The following IL6R variants were observed in gnomAD, a reference collection of about 807,000 sequenced individuals.
IL6R encodes interleukin-6 receptor subunit alpha.
In IL6R, 38 loss-of-function variants were observed where a neutral mutation model predicts 48.3. The ratio of observed to expected loss-of-function variants is 0.79; its 90% CI spans 0.61 to 1.03. The LOEUF is 1.03. Ranked by LOEUF, IL6R falls within the 50% of genes least tolerant of loss-of-function variation. The pLI, the probability that IL6R is intolerant of heterozygous loss-of-function variation, is 0.00. For missense variants in IL6R, 534 were observed against 618.3 expected (o/e 0.86, Z 1.45); for synonymous variants, 264 against 256.2 (o/e 1.03, Z -0.29).
At chr1:154,435,580 A>G (rs1000883876) in intron 5 of IL6R, among the ~76,000 whole-genome samples, 1 of 151,948 alleles carries the variant, frequency 6.6e-6, no homozygotes, top group African/African-American at 2.4e-5. Flanking sequence ...ACAATTGGCT[A>G]CCTTCGTTGC....
In IL6R at chr1:154,405,464, T is replaced by C. The variant is rs1687645572; in HGVS notation, c.-166T>C. On this transcript the variant is annotated 5_prime_UTR_variant, in exon 1 of 10. Coordinates refer to ENST00000368485, the MANE Select transcript of IL6R (RefSeq NM_000565.4). This position sits in a 1 kb window ranked among gnomAD's most constrained non-coding sequence, Gnocchi z 5.2. ...CGAGCGCGGCGCGGGGCCGAGGGAC[T>C]CGCAGTGTGTGTAGAGAGCCGGGCT... The C allele has an allele frequency of 1.7e-6, 1 of 597,776 alleles. No homozygotes were observed. Among genetic ancestry groups the C allele is most frequent in the Admixed American group, 3.9e-5 (1 of 25,940 alleles). The allele number at this position is 597,776 out of a possible 1,614,324, so 37.0% of individuals were successfully genotyped here. A position where few individuals can be genotyped will look rare whatever the true frequency, so the allele number is the denominator to read the frequency against.
intron 9 of IL6R, among the ~76,000 whole-genome samples, chr1:154,458,247 G>A (rs1691031720): frequency 6.6e-6 from 1 of 152,166 alleles, no homozygotes; most frequent in Non-Finnish European, 1.5e-5. Flanking sequence ...TGGGATTACA[G>A]GCGTGAGCCA....
Position 154,405,709 on chromosome 1 carries a change from C to G in IL6R, c.80C>G (p.Ala27Gly). The change falls in exon 1 of 10, where the codon GCG becomes GGG. Residue 27 changes from alanine (A) to glycine (G), a missense_variant. Ala to Gly is a moderately conservative substitution (Grantham distance 60). Transcript: ENST00000368485. The surrounding 1 kb of genome is among the most constrained non-coding windows in gnomAD (Gnocchi z 5.2). ...GCGCTGGCCCCAAGGCGCTGCCCTG[C>G]GCAGGGTAAGGGCTTCGGGCGCACC... ...GAALAPRRCP[A>G]QEVARGVLTS... 6.6e-7 allele frequency: 1 copy of G among 1,514,680 alleles called. No homozygotes were observed. The highest frequency in any genetic ancestry group is 8.8e-7 in the Non-Finnish European group (1 of 1,138,894). 93.8% of individuals were successfully genotyped at this position (1,514,680 alleles called of 1,614,324 possible).
intron 9 of IL6R, among the ~76,000 whole-genome samples, chr1:154,464,804 C>T (rs920328097): frequency 1.3e-5 from 2 of 151,940 alleles, no homozygotes; most frequent in Non-Finnish European, 2.9e-5. Flanking sequence ...ATGAGAAATA[C>T]AAAAATCAGT....
chr1:154,421,168 C>T (rs1688640006), intron 1 of IL6R, among the ~76,000 whole-genome samples: 1 of 152,162 alleles, frequency 6.6e-6, no homozygotes, highest in African/African-American at 2.4e-5. Context: ...CTTCATGATG[C>T]ACAGGAGCCA....
intron 8 of IL6R, among the ~76,000 whole-genome samples, chr1:154,453,692 C>T (rs1488860264): frequency 6.6e-6 from 1 of 152,208 alleles, no homozygotes; most frequent in Non-Finnish European, 1.5e-5. Context: ...GTGAAAAAGA[C>T]ACATGTGGTC....
Position 154,434,700 on chromosome 1 carries a change from TGTAC to T in IL6R, c.640+4_640+7del, listed in dbSNP as rs776761423. ...TCAAACCTTTCAGGGTTGTGGAATC[TGTAC>T]GTAAGCTCTAACCCCCTCTCCAGCA... On this transcript the variant is annotated splice_donor_variant and splice_donor_region_variant and intron_variant, in intron 4 of 9. Coordinates refer to ENST00000368485, the MANE Select transcript of IL6R (RefSeq NM_000565.4). LOFTEE classifies it high-confidence loss of function. The T allele has an allele frequency of 1.2e-5, 19 of 1,613,550 alleles. No individual in the cohort carries two copies. The highest frequency in any genetic ancestry group is 1.7e-5 in the Admixed American group (1 of 59,942).
intron 1 of IL6R, among the ~76,000 whole-genome samples, chr1:154,419,111 A>C (rs950186638): frequency 6.6e-6 from 1 of 152,140 alleles, no homozygotes; most frequent in Non-Finnish European, 1.5e-5. Flanking sequence ...GGATTCCCTC[A>C]TGCATGAGCT....
chr1:154,407,125 G>T (rs548513133), intron 1 of IL6R, among the ~76,000 whole-genome samples: 2 of 152,328 alleles, frequency 1.3e-5, no homozygotes, highest in African/African-American at 4.8e-5. Flanking sequence ...CTCTTGTCTG[G>T]CTGAGTGCTG....
At chr1:154,421,311 A>G (rs1341253201) in intron 1 of IL6R, among the ~76,000 whole-genome samples, 1 of 152,184 alleles carries the variant, frequency 6.6e-6, no homozygotes, top group South Asian at 2.1e-4. Flanking sequence ...GAGCCTGCAC[A>G]TACTTTTGAC....
chr1:154,429,970 A>C (rs1001130641), intron 2 of IL6R, among the ~76,000 whole-genome samples: 2 of 152,032 alleles, frequency 1.3e-5, no homozygotes, highest in African/African-American at 2.4e-5. Context: ...TACCTAGATA[A>C]AGACTTCCTG....
intron 6 of IL6R, among the ~76,000 whole-genome samples, chr1:154,445,781 C>T (rs1416881606): frequency 1.3e-5 from 2 of 151,696 alleles, no homozygotes; most frequent in South Asian, 2.1e-4. Flanking sequence ...GACTGGGTCC[C>T]ATTTCCATGG....
At chr1:154,428,323 T>C (rs6427658) in intron 1 of IL6R, among the ~76,000 whole-genome samples, 86,825 of 151,858 alleles carry the variant, frequency 0.57, 25,096 homozygotes, top group Admixed American at 0.64. Context: ...CTGTAGTAGA[T>C]GTAGGGTACT....
chr1:154,452,640 G>C (rs957194496), intron 8 of IL6R, among the ~76,000 whole-genome samples: 2 of 151,202 alleles, frequency 1.3e-5, no homozygotes, highest in African/African-American at 4.9e-5. Flanking sequence ...GACCATCCTG[G>C]CTAACACGGT....
intron 3 of IL6R, among the ~76,000 whole-genome samples, chr1:154,431,976 A>T (rs771016438): frequency 4.6e-5 from 7 of 152,224 alleles, no homozygotes; most frequent in Non-Finnish European, 8.8e-5. Context: ...GACCACAGGT[A>T]GCCGAAATCT....
At chr1:154,408,587 T>G (rs1687862037) in intron 1 of IL6R, among the ~76,000 whole-genome samples, 2 of 152,136 alleles carry the variant, frequency 1.3e-5, no homozygotes, top group Non-Finnish European at 2.9e-5. Flanking sequence ...GCAGGCACAC[T>G]GATCCTGACC....
Position 154,434,516 on chromosome 1 carries a change from C to T in IL6R, c.459-3C>T, listed in dbSNP as rs756240444. The T allele has an allele frequency of 1.9e-5, 30 of 1,610,826 alleles. No individual in the cohort carries two copies. The highest frequency in any genetic ancestry group is 2.5e-5 in the Non-Finnish European group (30 of 1,178,960). The stretch of plus-strand genomic sequence containing the variant: ...AGCCCTGCCCTTGTTTTGTGTCTAA[C>T]AGTCAGAACAGTCCGGCCGAAGACT... On this transcript the variant is annotated splice_polypyrimidine_tract_variant and splice_region_variant and intron_variant, in intron 3 of 9. Transcript: ENST00000368485.
At chr1:154,422,872 C>T (rs1688753274) in intron 1 of IL6R, among the ~76,000 whole-genome samples, 1 of 152,172 alleles carries the variant, frequency 6.6e-6, no homozygotes. Flanking sequence ...CCTGGTTCCT[C>T]ATCGTGTCTC....
At chr1:154,450,062 A>G (rs1391857994) in intron 8 of IL6R, 82 bp downstream of exon 8, 15 of 863,078 alleles carry the variant, frequency 1.7e-5, no homozygotes, top group Non-Finnish European at 3.0e-5. Flanking sequence ...TTATTTGGAC[A>G]TGTCGTCAGA....
Sources: gnomAD v4.1 joint callset for allele counts (sites outside exome capture counted in the v4.1 genomes callset) on GRCh38, gnomAD v4.1.1 for gene constraint, Gnocchi (gnomAD v3.1) non-coding constraint, MANE v1.5 for transcripts, NCBI Gene and HGNC (gene_info 2026-07-23, HGNC 2026-07-21) for gene names.